Variants in PLCG2 observed in about 807,000 individuals in gnomAD.
PLCG2 encodes 1-phosphatidylinositol 4,5-bisphosphate phosphodiesterase gamma-2.
A neutral mutation model predicts 175.6 loss-of-function variants in PLCG2; 69 were observed. The ratio of observed to expected loss-of-function variants is 0.39; its 90% CI spans 0.32 to 0.48. PLCG2 has a LOEUF of 0.48. PLCG2 is among the 20% of genes least tolerant of loss of function. The probability of loss-of-function intolerance (pLI) is 0.91; values close to 1 mark genes in which losing one functional copy is unlikely to be tolerated. For missense variants in PLCG2, 1,798 were observed against 1,650.9 expected (o/e 1.09, Z -1.54); for synonymous variants, 827 against 624.0 (o/e 1.33, Z -4.85).
At chr16:81,884,777 TA>T (rs1332062355) in intron 9 of PLCG2, among the ~76,000 whole-genome samples, 3 of 152,188 alleles carry the variant, frequency 2.0e-5, no homozygotes. Context: ...TTCATTTACT[TA>T]AAAAACCTCT....
At chr16:81,808,925 A>G (rs1299514338) in intron 2 of PLCG2, among the ~76,000 whole-genome samples, 1 of 152,092 alleles carries the variant, frequency 6.6e-6, no homozygotes, top group Non-Finnish European at 1.5e-5. Context: ...AGCTTGGTGT[A>G]GTTTGTGGCC....
Position 81,940,054 on chromosome 16 carries a change from A to G in PLCG2, c.3476A>G (p.Lys1159Arg), listed in dbSNP as rs761099902. The stretch of plus-strand genomic sequence containing the variant: ...GCCACTTACCCCATTAAAGCAGTCA[A>G]ATCAGGTAAGAGGCATTTTAATTAA... ...AHATYPIKAV[K>R]SGFRSVPLKN... The change falls in exon 30 of 33, where the codon AAA (lysine) becomes AGA (arginine). Residue 1159 changes from lysine (K) to arginine (R), a missense_variant. Coordinates refer to ENST00000564138, the MANE Select transcript of PLCG2 (RefSeq NM_002661.5). 7.5e-6 allele frequency: 12 copies of G among 1,608,130 alleles called. No individual in the cohort carries two copies. The South Asian group carries it at 9.9e-5, about 13-fold the overall frequency.
chr16:81,776,738 A>G (rs1258451617), upstream of PLCG2, among the ~76,000 whole-genome samples: 1 of 152,120 alleles, frequency 6.6e-6, no homozygotes, highest in African/African-American at 2.4e-5. Context: ...TATTTTTAGT[A>G]GAGAGGGTGT....
At chr16:81,833,158 A>T (rs1905339331) in intron 2 of PLCG2, among the ~76,000 whole-genome samples, 1 of 152,122 alleles carries the variant, frequency 6.6e-6, no homozygotes, top group African/African-American at 2.4e-5. Flanking sequence ...GGTCTGTGAG[A>T]AGAGCCCACA....
intron 18 of PLCG2, among the ~76,000 whole-genome samples, chr16:81,911,616 AT>A (rs1312438085): frequency 8.6e-5 from 13 of 150,538 alleles, no homozygotes; most frequent in Non-Finnish European, 1.9e-4. Context: ...TAATTAATTA[AT>A]TAATTAATTT....
At chr16:81,759,920 A>G (rs1446866834) in intron 2 of PLCG2, among the ~76,000 whole-genome samples, 1 of 152,114 alleles carries the variant, frequency 6.6e-6, no homozygotes, top group Non-Finnish European at 1.5e-5. Context: ...AGGTCAGGAG[A>G]TCGAGACCAT....
At chr16:81,872,444 G>A (rs893885224) in intron 7 of PLCG2, among the ~76,000 whole-genome samples, 2 of 152,200 alleles carry the variant, frequency 1.3e-5, no homozygotes, top group Non-Finnish European at 1.5e-5. Flanking sequence ...TGTGTGTGCT[G>A]GAAGGGGTTG....
At chr16:81,838,901 C>A (rs572519962) in intron 2 of PLCG2, among the ~76,000 whole-genome samples, 3 of 151,900 alleles carry the variant, frequency 2.0e-5, no homozygotes, top group African/African-American at 7.2e-5. Flanking sequence ...TTCCTCGGGT[C>A]CCGGTGACCC....
chr16:81,855,192 CAAAAAAA>C (rs35058756), intron 3 of PLCG2, among the ~76,000 whole-genome samples: 1 of 102,958 alleles, frequency 9.7e-6, no homozygotes, highest in Non-Finnish European at 2.0e-5. Context: ...GACTCTGTCT[CAAAAAAA>C]AAAAAAAAAG....
intron 1 of PLCG2, among the ~76,000 whole-genome samples, chr16:81,780,620 G>A (rs1340697351): frequency 6.6e-6 from 1 of 152,206 alleles, no homozygotes; most frequent in Non-Finnish European, 1.5e-5. Flanking sequence ...TCCCCCACCA[G>A]CGACTGGAGT....
intron 31 of PLCG2, among the ~76,000 whole-genome samples, chr16:81,951,863 G>C (rs879698379): frequency 1.1e-4 from 17 of 152,210 alleles, no homozygotes; most frequent in African/African-American, 3.6e-4. Flanking sequence ...TATAATTTTA[G>C]AAAAAAGGTC....
At chr16:81,900,580 C>G (rs1567523462) in intron 13 of PLCG2, 32 bp from the exon 14 acceptor site, 2 of 1,562,212 alleles carry the variant, frequency 1.3e-6, no homozygotes, top group Non-Finnish European at 1.7e-6. Context: ...TGTGCTCCCC[C>G]TGCCGAGCTG....
chr16:81,934,205 G>A lies in PLCG2; in HGVS notation c.2740-224G>A, dbSNP rs563912870. Among the ~76,000 whole-genome samples the A allele has an allele frequency of 3.5e-4, 53 of 152,300 alleles. No homozygotes were observed. In the South Asian group the frequency reaches 0.01, roughly 30 times the overall value. ...ATTTGAGGGCTGTGGCCAGGACTGA[G>A]CTGCACACCAAAACCTCGTGGAAAC... is the stretch of plus-strand genomic sequence containing the variant. On this transcript the variant is annotated intron_variant, in intron 25 of 32. Coordinates refer to ENST00000564138, the MANE Select transcript of PLCG2 (RefSeq NM_002661.5).
chr16:81,860,950 C>T (rs1420186658), intron 5 of PLCG2, among the ~76,000 whole-genome samples: 5 of 152,020 alleles, frequency 3.3e-5, no homozygotes, highest in Admixed American at 3.3e-4. Flanking sequence ...CTACTGTGGC[C>T]TGGGTGACAG....
At position 81,798,012 on chromosome 16, in the gene PLCG2, G is replaced by A. The variant is rs144064109; in HGVS notation, c.193+11830G>A. ...CACCTGGCTAATTTTTGTATTTTTA[G>A]TAGAGATGGGGTTCCACCATGTTGA... is the stretch of plus-strand genomic sequence containing the variant. On this transcript the variant is annotated intron_variant, in intron 2 of 32. Coordinates refer to ENST00000564138, the MANE Select transcript of PLCG2 (RefSeq NM_002661.5). 7.6e-3 allele frequency among the ~76,000 whole-genome samples: 1,154 copies of A among 152,108 alleles called. 14 individuals carry two copies. The highest frequency in any genetic ancestry group is 0.026 in the African/African-American group (1,088 of 41,498).
At chr16:81,760,053 A>G (rs1476526052) in intron 2 of PLCG2, among the ~76,000 whole-genome samples, 1 of 152,140 alleles carries the variant, frequency 6.6e-6, no homozygotes, top group Non-Finnish European at 1.5e-5. Context: ...GTGAACCTGG[A>G]AGGCGGAGCT....
chr16:81,801,394 T>C (rs1407737598), intron 2 of PLCG2, among the ~76,000 whole-genome samples: 1 of 152,220 alleles, frequency 6.6e-6, no homozygotes, highest in Non-Finnish European at 1.5e-5. Context: ...AGACACTGCG[T>C]GGTGTGTATC....
At chr16:81,879,561 C>T (rs761257956) in intron 7 of PLCG2, among the ~76,000 whole-genome samples, 1 of 152,148 alleles carries the variant, frequency 6.6e-6, no homozygotes, top group Admixed American at 6.5e-5. Context: ...CCCTGATAGT[C>T]CCCATGACGT....
intron 5 of PLCG2, among the ~76,000 whole-genome samples, chr16:81,867,239 G>A (rs940786829): frequency 1.3e-5 from 2 of 152,194 alleles, no homozygotes; most frequent in Non-Finnish European, 2.9e-5. Context: ...ATGGTACAGG[G>A]AAACTAGGTG....
Sources: gnomAD v4.1 joint callset for allele counts (sites outside exome capture counted in the v4.1 genomes callset) on GRCh38, gnomAD v4.1.1 for gene constraint, MANE v1.5 for transcripts, NCBI Gene and HGNC (gene_info 2026-07-23, HGNC 2026-07-21) for gene names.